The following ADAMTSL1 variants were observed in gnomAD, a reference collection of about 807,000 sequenced individuals.
ADAMTSL1 encodes the protein ADAMTS like 1, also known as ADAMTS-like protein 1.
ADAMTSL1 carries 126 observed loss-of-function variants against 201.8 expected under a neutral mutation model. That is an observed-to-expected ratio of 0.62 (90% CI 0.54 to 0.72). ADAMTSL1 has a LOEUF of 0.72. Among genes scored for constraint, ADAMTSL1 ranks in the 30% least tolerant of loss-of-function variants. The pLI is 0.00. For missense variants in ADAMTSL1, 2,679 were observed against 2,277.8 expected, an observed-to-expected ratio of 1.18 and a Z score of -3.59; for synonymous variants, 1,121 against 903.4, an observed-to-expected ratio of 1.24 and a Z score of -4.32.
intron 2 of ADAMTSL1, among the ~76,000 whole-genome samples, chr9:18,268,487 G>A (rs557176414): frequency 1.3e-4 from 20 of 152,304 alleles, no homozygotes; most frequent in Admixed American, 3.3e-4. Flanking sequence ...ATATTTAGGA[G>A]AAGAAGGAGC....
At chr9:18,185,228 A>G (rs191952370) in intron 2 of ADAMTSL1, among the ~76,000 whole-genome samples, 38 of 152,268 alleles carry the variant, frequency 2.5e-4, no homozygotes, top group African/African-American at 8.4e-4. Context: ...TATTCCTCTG[A>G]TGATGTTGTG....
At chr9:18,582,836 G>A (rs532180880) in intron 4 of ADAMTSL1, among the ~76,000 whole-genome samples, 8 of 150,168 alleles carry the variant, frequency 5.3e-5, no homozygotes, top group South Asian at 2.1e-4. Flanking sequence ...GCGACACAAC[G>A]AGACTCCATC....
intron 2 of ADAMTSL1, among the ~76,000 whole-genome samples, chr9:18,291,734 C>T (rs1224923149): frequency 2.3e-5 from 3 of 132,896 alleles, no homozygotes; most frequent in African/African-American, 2.9e-5. Flanking sequence ...CTCTCTCTCT[C>T]TCTCTCTCTC....
At chr9:18,065,614 A>T (rs1256641628) in intron 1 of ADAMTSL1, among the ~76,000 whole-genome samples, 1 of 152,164 alleles carries the variant, frequency 6.6e-6, no homozygotes, top group Non-Finnish European at 1.5e-5. Context: ...TTTAAATTCT[A>T]GCTATGTTTT....
At chr9:17,907,957 T>G (rs1825788479) in intron 1 of ADAMTSL1, among the ~76,000 whole-genome samples, 1 of 152,132 alleles carries the variant, frequency 6.6e-6, no homozygotes. Context: ...TTTCCTCTGT[T>G]TTGCTTATGG....
Position 18,360,946 on chromosome 9 carries a change from C to G in ADAMTSL1, c.208-143883C>G, listed in dbSNP as rs1020721536. On this transcript the variant is annotated intron_variant, in intron 2 of 29. Transcript: ENST00000680146. ...CCTGCCGCCAAATAAATGAACAAAT[C>G]TCAATCTGAGTAAATCTCAGGAGTT... Among the ~76,000 whole-genome samples the G allele has an allele frequency of 3.3e-5, 5 of 152,152 alleles. 1 individual carries two copies. The highest frequency in any genetic ancestry group is 1.2e-4 in the African/African-American group (5 of 41,444).
intron 1 of ADAMTSL1, among the ~76,000 whole-genome samples, chr9:18,032,418 G>C (rs1821002728): frequency 6.6e-6 from 1 of 152,162 alleles, no homozygotes; most frequent in Non-Finnish European, 1.5e-5. Flanking sequence ...CTGCTCTCAG[G>C]CTATTGGCAA....
chr9:18,559,326 G>A (rs1345230016), intron 3 of ADAMTSL1, among the ~76,000 whole-genome samples: 1 of 152,132 alleles, frequency 6.6e-6, no homozygotes, highest in East Asian at 1.9e-4. Context: ...TAGATTTGTG[G>A]TGGTATTTCT....
rs1345444289 is a variant in ADAMTSL1 at position 18,909,101 on chromosome 9, T to A, written c.*553T>A. 6.5e-6 allele frequency: 1 copy of A among 154,368 alleles called. No individual in the cohort carries two copies. The highest frequency in any genetic ancestry group is 1.4e-5 in the Non-Finnish European group (1 of 69,496). 9.6% of individuals were successfully genotyped at this position (154,368 alleles called of 1,614,324 possible). A position where few individuals can be genotyped will look rare whatever the true frequency, so the allele number is the denominator to read the frequency against. On this transcript the variant is annotated 3_prime_UTR_variant, in exon 29 of 29. Transcript: ENST00000380548. Reference sequence around the variant, plus strand: ...CCCAGAACTCACTCAGTTCTTCTAGTGGGTGAGTGCAGAGAGAGAAGAACT... The same window carrying A: ...CCCAGAACTCACTCAGTTCTTCTAGAGGGTGAGTGCAGAGAGAGAAGAACT...
intron 1 of ADAMTSL1, among the ~76,000 whole-genome samples, chr9:17,926,565 C>G (rs1400048896): frequency 1.1e-4 from 17 of 152,184 alleles, no homozygotes; most frequent in Admixed American, 1.1e-3. Context: ...ACACAGGACA[C>G]AATGATTTTT....
intron 2 of ADAMTSL1, among the ~76,000 whole-genome samples, chr9:18,171,796 G>C (rs1827903352): frequency 6.6e-6 from 1 of 151,858 alleles, no homozygotes; most frequent in South Asian, 2.1e-4. Context: ...TTTCTTCTAG[G>C]GTTTTTATGG....
intron 2 of ADAMTSL1, among the ~76,000 whole-genome samples, chr9:18,299,548 G>C (rs953567548): frequency 3.3e-5 from 5 of 152,252 alleles, no homozygotes; most frequent in Admixed American, 6.5e-5. Flanking sequence ...AGAACACAAG[G>C]AACAGGCTTA....
At chr9:18,608,858 T>A (rs1295011801) in intron 4 of ADAMTSL1, among the ~76,000 whole-genome samples, 1 of 152,194 alleles carries the variant, frequency 6.6e-6, no homozygotes, top group Non-Finnish European at 1.5e-5. Context: ...GAAGACTACT[T>A]TTCCTTTTAA....
chr9:18,259,700 A>T (rs1317303888), intron 2 of ADAMTSL1, among the ~76,000 whole-genome samples: 4 of 151,958 alleles, frequency 2.6e-5, no homozygotes, highest in African/African-American at 7.3e-5. Flanking sequence ...AATGTGCCAA[A>T]CTCAAGTTTT....
intron 2 of ADAMTSL1, among the ~76,000 whole-genome samples, chr9:18,202,160 A>G (rs1370995507): frequency 1.3e-5 from 2 of 152,180 alleles, no homozygotes; most frequent in African/African-American, 2.4e-5. Flanking sequence ...GACAAACACA[A>G]AGTCACAGGG....
intron 2 of ADAMTSL1, among the ~76,000 whole-genome samples, chr9:18,241,889 A>G (rs566981744): frequency 6.6e-6 from 1 of 152,110 alleles, no homozygotes; most frequent in Non-Finnish European, 1.5e-5. Context: ...AAACCCTTAC[A>G]GCAACAAAAA....
intron 1 of ADAMTSL1, among the ~76,000 whole-genome samples, chr9:18,154,132 T>C (rs1827042766): frequency 6.6e-6 from 1 of 151,952 alleles, no homozygotes; most frequent in African/African-American, 2.4e-5. Flanking sequence ...AAAGCACCCC[T>C]TTTTTGTGCT....
chr9:18,770,946 G>A (rs535993565), intron 17 of ADAMTSL1, among the ~76,000 whole-genome samples, 165 bp downstream of exon 17: 7 of 152,208 alleles, frequency 4.6e-5, no homozygotes, highest in South Asian at 2.1e-4. Context: ...AGCTTTTAAC[G>A]AGGCTGCAGG....
At chr9:18,904,065 G>T (rs1830155583) in intron 26 of ADAMTSL1, among the ~76,000 whole-genome samples, 1 of 151,990 alleles carries the variant, frequency 6.6e-6, no homozygotes, top group African/African-American at 2.4e-5. Context: ...AAATTCCTGG[G>T]CTCAAGCTTA....
Sources: allele counts gnomAD v4.1 joint callset (sites outside exome capture counted in the v4.1 genomes callset), GRCh38; gene constraint gnomAD v4.1.1; transcripts MANE v1.5; gene names NCBI Gene and HGNC (gene_info 2026-07-23, HGNC 2026-07-21).